Variants in PRKCB observed in about 807,000 individuals in gnomAD.
The protein encoded by PRKCB is protein kinase C beta.
In PRKCB, 13 loss-of-function variants were observed where a neutral mutation model predicts 81.5. The observed-to-expected ratio is 0.16, with a 90% CI of 0.10 to 0.25. The LOEUF (loss-of-function observed/expected upper bound fraction) is 0.25, where lower values mean the gene tolerates loss of function less well. PRKCB is among the 10% of genes least tolerant of loss of function. The pLI, the probability that PRKCB is intolerant of heterozygous loss-of-function variation, is 1.00. For missense variants in PRKCB, 509 were observed against 875.7 expected, an observed-to-expected ratio of 0.58 and a Z score of 5.29; for synonymous variants, 335 against 321.4, an observed-to-expected ratio of 1.04 and a Z score of -0.45.
intron 16 of PRKCB, among the ~76,000 whole-genome samples, chr16:24,198,849 G>A (rs1485882337): frequency 6.6e-6 from 1 of 152,172 alleles, no homozygotes; most frequent in African/African-American, 2.4e-5. Context: ...AGAAGCAGAC[G>A]TTAAGATCCC....
At chr16:23,877,323 G>A (rs936750380) in intron 2 of PRKCB, among the ~76,000 whole-genome samples, 1 of 152,216 alleles carries the variant, frequency 6.6e-6, no homozygotes, top group East Asian at 1.9e-4. Context: ...GGCAGCAGAG[G>A]GAGACCCTGT....
intron 2 of PRKCB, among the ~76,000 whole-genome samples, chr16:23,967,947 G>T (rs902502449): frequency 6.6e-6 from 1 of 152,172 alleles, no homozygotes; most frequent in Non-Finnish European, 1.5e-5. Context: ...GAGCCACTGC[G>T]CCGGGCCTTT....
chr16:24,204,419 A>G (rs1313924931), intron 16 of PRKCB, among the ~76,000 whole-genome samples: 1 of 152,140 alleles, frequency 6.6e-6, no homozygotes, highest in African/African-American at 2.4e-5. Flanking sequence ...TATGACCCTG[A>G]ACAAACTGTT....
intron 16 of PRKCB, among the ~76,000 whole-genome samples, chr16:24,213,721 C>T (rs183973548): frequency 3.2e-4 from 48 of 152,272 alleles, no homozygotes; most frequent in Non-Finnish European, 6.2e-4. Context: ...GAACAAGGAA[C>T]CCCAAATTAG....
At chr16:23,971,814 C>T (rs8051206) in intron 2 of PRKCB, among the ~76,000 whole-genome samples, 5,194 of 152,084 alleles carry the variant, frequency 0.034, 239 homozygotes, top group African/African-American at 0.1. Flanking sequence ...GGATTGTTTT[C>T]CTTTAAAAAA....
At chr16:23,908,601 G>A (rs1233185744) in intron 2 of PRKCB, among the ~76,000 whole-genome samples, 1 of 151,950 alleles carries the variant, frequency 6.6e-6, no homozygotes, top group Non-Finnish European at 1.5e-5. Flanking sequence ...GCGCCATCTC[G>A]GCTCACTGCA....
intron 5 of PRKCB, among the ~76,000 whole-genome samples, chr16:24,053,049 T>C (rs11649036): frequency 0.04 from 6,062 of 152,348 alleles, 164 homozygotes; most frequent in Non-Finnish European, 0.052. Flanking sequence ...AATCATGTGC[T>C]CTGTCTCTCT....
intron 2 of PRKCB, among the ~76,000 whole-genome samples, chr16:23,906,773 G>A (rs1225312036): frequency 1.3e-5 from 2 of 151,992 alleles, no homozygotes; most frequent in Non-Finnish European, 2.9e-5. Context: ...ATAATCCATC[G>A]CTTCCCACAG....
intron 9 of PRKCB, among the ~76,000 whole-genome samples, chr16:24,150,094 A>G (rs1205772662): frequency 6.6e-6 from 1 of 151,868 alleles, no homozygotes; most frequent in African/African-American, 2.4e-5. Context: ...ACTTTGGGAG[A>G]CCTAGATGGG....
chr16:23,965,051 T>C (rs1440461811), intron 2 of PRKCB, among the ~76,000 whole-genome samples: 3 of 152,184 alleles, frequency 2.0e-5, no homozygotes, highest in African/African-American at 7.2e-5. Flanking sequence ...ACAGGTTTGT[T>C]ACATGGGTAA....
chr16:23,906,175 T>G (rs905413526), intron 2 of PRKCB, among the ~76,000 whole-genome samples: 4 of 152,224 alleles, frequency 2.6e-5, no homozygotes, highest in Non-Finnish European at 5.9e-5. Context: ...TCAGACAGCT[T>G]GTTCCCCATC....
intron 2 of PRKCB, among the ~76,000 whole-genome samples, chr16:23,874,926 C>A (rs1010364296): frequency 6.6e-6 from 1 of 152,098 alleles, no homozygotes; most frequent in Admixed American, 6.6e-5. Flanking sequence ...CATGTTAAAT[C>A]CATTCTGTTA....
chr16:24,191,904 C>G (rs887287615), intron 16 of PRKCB, among the ~76,000 whole-genome samples: 1 of 152,204 alleles, frequency 6.6e-6, no homozygotes, highest in African/African-American at 2.4e-5. Context: ...AAAGACTCAG[C>G]AGGAAGTACT....
intron 3 of PRKCB, among the ~76,000 whole-genome samples, chr16:24,016,219 T>C (rs1469902398): frequency 6.6e-6 from 1 of 152,144 alleles, no homozygotes; most frequent in Non-Finnish European, 1.5e-5. Context: ...TCCCAGCTTT[T>C]AACCAACGTT....
Position 23,961,522 on chromosome 16 carries a change from G to A in PRKCB, c.206-26986G>A, listed in dbSNP as rs576272292. 7.1e-4 allele frequency among the ~76,000 whole-genome samples: 108 copies of A among 152,294 alleles called. 2 individuals carry two copies. The South Asian group carries it at 9.7e-3, about 14-fold the overall frequency. ...CATCAATGGTATCTTAACTACATCA[G>A]TGGTATAGGACTGCTTCTTTCCTTA... On this transcript the variant is annotated intron_variant, in intron 2 of 16. Transcript: ENST00000643927.
At chr16:24,060,265 A>G (rs1396699862) in intron 5 of PRKCB, among the ~76,000 whole-genome samples, 2 of 152,130 alleles carry the variant, frequency 1.3e-5, no homozygotes, top group African/African-American at 4.8e-5. Context: ...GAGCAGAGAG[A>G]GTAGCCTGTA....
intron 2 of PRKCB, among the ~76,000 whole-genome samples, chr16:23,881,818 A>G (rs879225950): frequency 1.3e-5 from 2 of 151,866 alleles, no homozygotes; most frequent in African/African-American, 4.8e-5. Flanking sequence ...ACTGGCAATA[A>G]CTTCCCATTT....
intron 2 of PRKCB, among the ~76,000 whole-genome samples, chr16:23,974,044 A>G (rs1964593119): frequency 6.6e-6 from 1 of 152,094 alleles, no homozygotes; most frequent in African/African-American, 2.4e-5. Flanking sequence ...GACCAGAGAT[A>G]TGAGGTCTCA....
chr16:24,048,148 A>T (rs1000261112), intron 5 of PRKCB, among the ~76,000 whole-genome samples: 1 of 152,144 alleles, frequency 6.6e-6, no homozygotes, highest in Admixed American at 6.5e-5. Context: ...AGGGACGGAC[A>T]CCTCTTACTG....
Sources: allele counts gnomAD v4.1 joint callset (sites outside exome capture counted in the v4.1 genomes callset), GRCh38; gene constraint gnomAD v4.1.1; transcripts MANE v1.5; gene names NCBI Gene and HGNC (gene_info 2026-07-23, HGNC 2026-07-21).